The following STPG2 variants were observed in gnomAD, a reference collection of about 807,000 sequenced individuals.
STPG2 encodes sperm tail PG-rich repeat containing 2, also known as sperm-tail PG-rich repeat-containing protein 2.
In STPG2, 56 loss-of-function variants were observed where a neutral mutation model predicts 54.2. The observed-to-expected ratio is 1.03, with a 90% confidence interval of 0.83 to 1.29. STPG2 has a LOEUF of 1.29. Ranked by LOEUF, STPG2 falls within the 50% of genes most tolerant of loss-of-function variation. STPG2 has a pLI of 0.00. For synonymous variants in STPG2, 200 were observed against 181.8 expected (o/e 1.10, Z -0.81); for missense variants, 596 against 544.9 (o/e 1.09, Z -0.93).
chr4:97,917,401 T>A (rs886908576), intron 8 of STPG2: 2 of 152,198 alleles, frequency 1.3e-5, no homozygotes, highest in Admixed American at 1.3e-4. Flanking sequence ...ACTGCCGCCA[T>A]AGCCAGGCCA....
chr4:97,694,469 T>C (rs1241925307), intron 10 of STPG2, among the ~76,000 whole-genome samples: 2 of 149,816 alleles, frequency 1.3e-5, no homozygotes, highest in African/African-American at 4.9e-5. Context: ...AAAATAGAAA[T>C]GTTGAACAGA....
chr4:98,050,467 G>A (rs1737283197), intron 5 of STPG2, among the ~76,000 whole-genome samples: 1 of 151,916 alleles, frequency 6.6e-6, no homozygotes, highest in African/African-American at 2.4e-5. Flanking sequence ...AGGGGGTTCT[G>A]CCCCTCTCTC....
chr4:97,614,397 A>G (rs1733809117), intron 10 of STPG2, among the ~76,000 whole-genome samples: 1 of 152,062 alleles, frequency 6.6e-6, no homozygotes, highest in African/African-American at 2.4e-5. Context: ...AAATTCTTGC[A>G]GAAGGAATGA....
rs10001701 is a variant in STPG2 at position 97,997,720 on chromosome 4, G to T, written c.613-16402C>A. 2.0e-3 allele frequency among the ~76,000 whole-genome samples: 307 copies of T among 152,040 alleles called. 2 individuals carry two copies. The highest frequency in any genetic ancestry group is 7.3e-3 in the African/African-American group (301 of 41,478). On this transcript the variant is annotated intron_variant, in intron 5 of 10. Coordinates refer to ENST00000295268, the MANE Select transcript of STPG2 (RefSeq NM_174952.3). Reference sequence around the variant, plus strand: ...CATGTCCTCTGCAGCAACATAGATGGAGCTGGAGGTCATTATCCTAAATGA... The same window carrying T: ...CATGTCCTCTGCAGCAACATAGATGTAGCTGGAGGTCATTATCCTAAATGA...
intron 3 of STPG2, among the ~76,000 whole-genome samples, chr4:98,114,946 CTAAA>C (rs764422141): frequency 0.39 from 59,966 of 151,834 alleles, 12,098 homozygotes; most frequent in Middle Eastern, 0.45. Context: ...ACTCTTATCT[CTAAA>C]TTACAGTTTC....
At chr4:97,595,434 C>A (rs1344205556) in intron 10 of STPG2, among the ~76,000 whole-genome samples, 2 of 151,856 alleles carry the variant, frequency 1.3e-5, no homozygotes, top group African/African-American at 4.8e-5. Flanking sequence ...GAACATCACA[C>A]ACCGGGGCCT....
At chr4:98,054,245 C>T (rs700741) in intron 5 of STPG2, among the ~76,000 whole-genome samples, 130,604 of 152,076 alleles carry the variant, frequency 0.86, 56,234 homozygotes, top group Middle Eastern at 0.97. Flanking sequence ...CAAATCACAA[C>T]GCATAACCCC....
chr4:97,635,966 G>T (rs1721504567), intron 10 of STPG2, among the ~76,000 whole-genome samples: 1 of 152,126 alleles, frequency 6.6e-6, no homozygotes, highest in Admixed American at 6.5e-5. Context: ...CCCAGGAATT[G>T]AACTCAGCTC....
At chr4:97,602,064 T>A (rs763884074) in intron 10 of STPG2, among the ~76,000 whole-genome samples, 23 of 151,866 alleles carry the variant, frequency 1.5e-4, no homozygotes, top group Non-Finnish European at 2.8e-4. Flanking sequence ...GATATAGACA[T>A]GCAATTGCTT....
intron 9 of STPG2, among the ~76,000 whole-genome samples, chr4:97,758,314 C>T (rs1438518468): frequency 6.6e-6 from 1 of 152,112 alleles, no homozygotes; most frequent in African/African-American, 2.4e-5. Flanking sequence ...TATAAAGACA[C>T]ATGCACATGT....
chr4:97,958,322 A>G (rs1438241790), intron 7 of STPG2, among the ~76,000 whole-genome samples: 1 of 152,078 alleles, frequency 6.6e-6, no homozygotes, highest in Non-Finnish European at 1.5e-5. Context: ...AAAAAAAGAA[A>G]AGTAAAGAAA....
At chr4:97,960,495 G>A (rs1437426613) in intron 7 of STPG2, among the ~76,000 whole-genome samples, 1 of 152,086 alleles carries the variant, frequency 6.6e-6, no homozygotes, top group Non-Finnish European at 1.5e-5. Flanking sequence ...AAAGAATTCA[G>A]CAAAGTTTCC....
chr4:98,115,614 T>C (rs1342508924), intron 3 of STPG2, among the ~76,000 whole-genome samples: 1 of 151,984 alleles, frequency 6.6e-6, no homozygotes, highest in Non-Finnish European at 1.5e-5. Context: ...ATCTATTGGA[T>C]TATTTTCTTA....
At chr4:97,649,156 G>A (rs1300205098) in intron 10 of STPG2, among the ~76,000 whole-genome samples, 2 of 152,056 alleles carry the variant, frequency 1.3e-5, no homozygotes, top group Non-Finnish European at 2.9e-5. Flanking sequence ...CAGGCATCCC[G>A]ACCATTCTTG....
intron 10 of STPG2, among the ~76,000 whole-genome samples, chr4:97,659,793 G>A (rs538485236): frequency 3.3e-5 from 5 of 152,142 alleles, no homozygotes; most frequent in Non-Finnish European, 7.4e-5. Context: ...ACGTTGAGTT[G>A]CTAAAGCTTA....
intron 8 of STPG2, among the ~76,000 whole-genome samples, chr4:97,844,170 G>T (rs559551826): frequency 1.3e-5 from 2 of 151,746 alleles, no homozygotes; most frequent in East Asian, 3.9e-4. Context: ...ATGAAATTTC[G>T]TATACTCTCT....
chr4:98,137,682 C>G (rs1166589063), intron 1 of STPG2, among the ~76,000 whole-genome samples: 1 of 151,626 alleles, frequency 6.6e-6, no homozygotes, highest in African/African-American at 2.4e-5. Flanking sequence ...CTAAATGAAT[C>G]TACCTTAAAC....
chr4:97,768,761 G>T (rs913645360), intron 9 of STPG2, among the ~76,000 whole-genome samples: 1 of 151,922 alleles, frequency 6.6e-6, no homozygotes, highest in Non-Finnish European at 1.5e-5. Flanking sequence ...GAATGTAGTG[G>T]CACGATCTCA....
intron 8 of STPG2, among the ~76,000 whole-genome samples, chr4:97,930,002 C>A (rs150797528): frequency 2.0e-5 from 3 of 152,070 alleles, no homozygotes; most frequent in South Asian, 2.1e-4. Context: ...CAGGTTCAAG[C>A]GATTCTCCCA....
Sources: allele counts gnomAD v4.1 joint callset (sites outside exome capture counted in the v4.1 genomes callset), GRCh38; gene constraint gnomAD v4.1.1; transcripts MANE v1.5; gene names NCBI Gene and HGNC (gene_info 2026-07-23, HGNC 2026-07-21).